BRD10: variants seen among roughly 807,000 people sequenced by gnomAD.
BRD10 encodes the protein uncharacterized bromodomain-containing protein 10.
chr9:5,993,951 A>T, the BRD10 span, among the ~76,000 whole-genome samples: 1 of 152,130 alleles, frequency 6.6e-6, no homozygotes, highest in Non-Finnish European at 1.5e-5. Flanking sequence ...TGACAAAAAA[A>T]TTTGCATATT....
chr9:5,914,409 GGT>G, the BRD10 span, among the ~76,000 whole-genome samples: 6 of 106,966 alleles, frequency 5.6e-5, no homozygotes, highest in African/African-American at 1.1e-4. Context: ...AAATCCAGAT[GGT>G]TTTTTTTTTT....
At chr9:5,903,474 T>C in the BRD10 span, among the ~76,000 whole-genome samples, 1 of 152,210 alleles carries the variant, frequency 6.6e-6, no homozygotes, top group Admixed American at 6.5e-5. Flanking sequence ...TCATTTTCTT[T>C]TCTTGTAATA....
chr9:5,989,371 C>T, the BRD10 span, among the ~76,000 whole-genome samples: 1 of 142,728 alleles, frequency 7.0e-6, no homozygotes, highest in Non-Finnish European at 1.5e-5. Context: ...GTTGAGGCTG[C>T]AATGAGCTGA....
the BRD10 span, among the ~76,000 whole-genome samples, chr9:5,965,977 C>T: frequency 6.6e-6 from 1 of 152,064 alleles, no homozygotes; most frequent in Admixed American, 6.6e-5. Flanking sequence ...AATTCAGTAA[C>T]TGATGAAAAA....
the BRD10 span, chr9:5,907,058 TA>T: frequency 9.2e-7 from 1 of 1,089,082 alleles, no homozygotes; most frequent in Non-Finnish European, 1.3e-6. Flanking sequence ...CTCAAGTGAA[TA>T]CAATTATTTC....
At chr9:5,950,070 A>G in the BRD10 span, among the ~76,000 whole-genome samples, 1 of 152,160 alleles carries the variant, frequency 6.6e-6, no homozygotes, top group Non-Finnish European at 1.5e-5. Context: ...ACAATACAAC[A>G]GGGATAAACG....
chr9:5,916,765 A>T, the BRD10 span, among the ~76,000 whole-genome samples: 1 of 152,132 alleles, frequency 6.6e-6, no homozygotes, highest in African/African-American at 2.4e-5. Flanking sequence ...TTCTATACTA[A>T]GTATAAAAAC....
chr9:5,884,369 C>T, the BRD10 span, among the ~76,000 whole-genome samples: 2 of 152,202 alleles, frequency 1.3e-5, no homozygotes, highest in African/African-American at 4.8e-5. Flanking sequence ...GGCCCTGTGG[C>T]GCCCAGGACC....
chr9:5,984,883 C>T, the BRD10 span, among the ~76,000 whole-genome samples: 1 of 151,708 alleles, frequency 6.6e-6, no homozygotes, highest in African/African-American at 2.4e-5. Flanking sequence ...TCAACCTTCC[C>T]AGGATTTTTC....
the BRD10 span, chr9:5,923,407 G>T: frequency 1.1e-6 from 1 of 925,280 alleles, no homozygotes; most frequent in Non-Finnish European, 1.6e-6. Flanking sequence ...TGAGCTGGCA[G>T]TGTATTAAGA....
the BRD10 span, chr9:6,007,102 G>T: frequency 7.6e-7 from 1 of 1,308,926 alleles, no homozygotes; most frequent in Non-Finnish European, 1.1e-6. Context: ...TATCAGCGCC[G>T]CCCCCAGGCC....
the BRD10 span, among the ~76,000 whole-genome samples, chr9:5,916,964 G>T: frequency 0.024 from 3,605 of 152,240 alleles, 59 homozygotes; most frequent in Admixed American, 0.041. Flanking sequence ...GGAGGCAAAG[G>T]AATTTGGGTT....
chr9:5,951,565 T>C, the BRD10 span, among the ~76,000 whole-genome samples: 12 of 152,174 alleles, frequency 7.9e-5, no homozygotes, highest in East Asian at 1.5e-3. Context: ...AAATGTGATA[T>C]TTAAAACACC....
the BRD10 span, among the ~76,000 whole-genome samples, chr9:5,951,062 ACACAC>A: frequency 6.6e-6 from 1 of 150,952 alleles, no homozygotes; most frequent in Non-Finnish European, 1.5e-5. Flanking sequence ...ACACACACAC[ACACAC>A]ACACACACAC....
At chr9:5,892,432 A>T in the BRD10 span, 1 of 1,584,302 alleles carries the variant, frequency 6.3e-7, no homozygotes, top group Non-Finnish European at 8.6e-7. Flanking sequence ...AATGATGCCC[A>T]CATGCTCCTT....
At chr9:5,973,063 A>G in the BRD10 span, among the ~76,000 whole-genome samples, 1 of 152,216 alleles carries the variant, frequency 6.6e-6, no homozygotes, top group African/African-American at 2.4e-5. Flanking sequence ...AAGCACAAAG[A>G]TAGGGGAAAA....
At chr9:5,951,823 T>C in the BRD10 span, among the ~76,000 whole-genome samples, 8 of 152,264 alleles carry the variant, frequency 5.3e-5, no homozygotes, top group South Asian at 2.1e-4. Flanking sequence ...AAATGATCTA[T>C]TTCCCTGTGA....
At chr9:5,927,354 T>G in the BRD10 span, among the ~76,000 whole-genome samples, 1 of 152,172 alleles carries the variant, frequency 6.6e-6, no homozygotes, top group African/African-American at 2.4e-5. Context: ...GTCCCTTCCT[T>G]TACCTGAATC....
the BRD10 span, chr9:5,921,997 A>C: frequency 1.2e-6 from 2 of 1,613,996 alleles, no homozygotes; most frequent in East Asian, 4.5e-5. Context: ...CTACAGGTGA[A>C]AAAGCAGAGG....
Sources: gnomAD v4.1 joint callset for allele counts (sites outside exome capture counted in the v4.1 genomes callset) on GRCh38, gnomAD v4.1.1 for gene constraint, MANE v1.5 for transcripts, NCBI Gene and HGNC (gene_info 2026-07-23, HGNC 2026-07-21) for gene names.